Variants in SYT13 observed in about 807,000 individuals in gnomAD.
The protein encoded by SYT13 is synaptotagmin 13.
A neutral mutation model predicts 38.6 loss-of-function variants in SYT13; 21 were observed. The observed-to-expected ratio is 0.54, with a 90% CI of 0.39 to 0.78. The LOEUF (loss-of-function observed/expected upper bound fraction) is 0.78. Ranked by LOEUF, SYT13 falls within the 30% of genes least tolerant of loss-of-function variation. The pLI is 0.00. For missense variants in SYT13, 495 were observed against 548.7 expected, an observed-to-expected ratio of 0.90 and a Z score of 0.98; for synonymous variants, 241 against 237.6, an observed-to-expected ratio of 1.01 and a Z score of -0.13.
At chr11:45,272,240 T>C (rs757994222) in intron 1 of SYT13, among the ~76,000 whole-genome samples, 2 of 152,148 alleles carry the variant, frequency 1.3e-5, no homozygotes, top group Non-Finnish European at 2.9e-5. Flanking sequence ...AAATATCTAA[T>C]ATAGGTGATG....
chr11:45,252,309 G>A lies in SYT13; in HGVS notation c.846+112C>T. On this transcript the variant is annotated intron_variant, in intron 4 of 5. Coordinates refer to ENST00000020926, the MANE Select transcript of SYT13 (RefSeq NM_020826.3). This position sits in a 1 kb window ranked among gnomAD's most constrained non-coding sequence, Gnocchi z 4.3. ...CAACCTCCCTTCCAGCCCCAAGCCA[G>A]GGAGGTCTCTGAGGCTTGTTCCCTA... 7.8e-7 allele frequency: 1 copy of A among 1,289,852 alleles called. No individual in the cohort carries two copies. The highest frequency in any genetic ancestry group is 1.1e-6 in the Non-Finnish European group (1 of 950,552). The allele number at this position is 1,289,852 out of a possible 1,614,324, so 79.9% of individuals were successfully genotyped here. A position where few individuals can be genotyped will look rare whatever the true frequency, so the allele number is the denominator to read the frequency against.
At chr11:45,283,297 G>GT (rs1457913853) in intron 1 of SYT13, among the ~76,000 whole-genome samples, 1 of 152,178 alleles carries the variant, frequency 6.6e-6, no homozygotes, top group African/African-American at 2.4e-5. Context: ...AAACTAGTGA[G>GT]TTACAGAGAC....
At chr11:45,251,369 C>T (rs889409803) in intron 4 of SYT13, among the ~76,000 whole-genome samples, 2 of 111,576 alleles carry the variant, frequency 1.8e-5, no homozygotes, top group African/African-American at 7.5e-5. Flanking sequence ...AGCCTGGCAA[C>T]AGAGCGAGAC....
chr11:45,258,785 G>T (rs1305623762), intron 1 of SYT13, among the ~76,000 whole-genome samples: 4 of 152,090 alleles, frequency 2.6e-5, no homozygotes, highest in Non-Finnish European at 5.9e-5. Flanking sequence ...CGGGCTTGGG[G>T]GAGTAAAAGT....
At chr11:45,261,841 G>A (rs1337787817) in intron 1 of SYT13, among the ~76,000 whole-genome samples, 21 of 149,320 alleles carry the variant, frequency 1.4e-4, no homozygotes, top group Non-Finnish European at 2.8e-4. Flanking sequence ...GCTTGAACCC[G>A]GGAGGCGAAG....
chr11:45,275,643 A>G (rs1394232925), intron 1 of SYT13, among the ~76,000 whole-genome samples: 1 of 152,164 alleles, frequency 6.6e-6, no homozygotes, highest in African/African-American at 2.4e-5. Context: ...CCTTTATCTA[A>G]TGAATTGGGA....
chr11:45,275,520 T>A (rs1855000217), intron 1 of SYT13, among the ~76,000 whole-genome samples: 2 of 152,228 alleles, frequency 1.3e-5, no homozygotes, highest in Admixed American at 1.3e-4. Flanking sequence ...TTATAATGCA[T>A]TCCAAGTCTA....
rs1253927917 is a variant in SYT13, at chr11:45,244,225, G to A, written c.1108C>T (p.Gln370Ter). 6.2e-7 allele frequency: 1 copy of A among 1,613,928 alleles called. No homozygotes were observed. The highest frequency in any genetic ancestry group is 1.3e-5 in the African/African-American group (1 of 74,932). The change falls in exon 6 of 6, where the codon CAG becomes TAG. Residue 370 changes from glutamine (Q) to a stop codon, truncating the protein, a stop_gained. Transcript: ENST00000020926. LOFTEE classifies it high-confidence loss of function. ...IMFELPDDLL[Q>*]ASSVELEVLG... ...ACTTCCAGCTCCACACTGGAGGCCTGCAGCAGGTCGTCAGGCAGCTCAAAC... is the reference window on the plus strand; with the variant it reads ...ACTTCCAGCTCCACACTGGAGGCCTACAGCAGGTCGTCAGGCAGCTCAAAC...
At chr11:45,281,980 G>A (rs1483563231) in intron 1 of SYT13, among the ~76,000 whole-genome samples, 4 of 152,224 alleles carry the variant, frequency 2.6e-5, no homozygotes, top group African/African-American at 4.8e-5. Context: ...TAGGTTGGGC[G>A]AAAGGAGGAC....
At chr11:45,267,169 G>A (rs1463840907) in intron 1 of SYT13, among the ~76,000 whole-genome samples, 6 of 152,326 alleles carry the variant, frequency 3.9e-5, no homozygotes, top group Non-Finnish European at 8.8e-5. Context: ...GGCCCGCTAG[G>A]GGGCGGTAGA....
At chr11:45,281,932 G>A (rs1855079358) in intron 1 of SYT13, among the ~76,000 whole-genome samples, 2 of 152,200 alleles carry the variant, frequency 1.3e-5, no homozygotes, top group Non-Finnish European at 2.9e-5. Flanking sequence ...GTGGGGCAAG[G>A]GGAAAAGAGC....
Position 45,252,501 on chromosome 11 carries a change from C to T in SYT13, c.766G>A (p.Gly256Arg), listed in dbSNP as rs547784718. Reference protein sequence around the residue: ...CDRFSRHSVAGELRLGLDGTS... With the variant: ...CDRFSRHSVARELRLGLDGTS... ...CCGTCCAGGCCCAGGCGGAGCTCCCCGGCCACGCTGTGACGGGAGAAGCGG... is the reference window on the plus strand; with the variant it reads ...CCGTCCAGGCCCAGGCGGAGCTCCCTGGCCACGCTGTGACGGGAGAAGCGG... The change falls in exon 4 of 6, where the codon GGG (glycine) becomes AGG (arginine). Residue 256 changes from glycine to arginine, a missense_variant. Coordinates refer to ENST00000020926, the MANE Select transcript of SYT13 (RefSeq NM_020826.3). The surrounding 1 kb of genome is among the most constrained non-coding windows in gnomAD (Gnocchi z 4.3). 6.2e-6 allele frequency: 10 copies of T among 1,613,702 alleles called. No individual in the cohort carries two copies. The East Asian group carries it at 6.7e-5, about 11-fold the overall frequency.
Position 45,243,970 on chromosome 11 carries a change from C to T in SYT13, c.*82G>A. The T allele has an allele frequency of 2.1e-6, 3 of 1,418,500 alleles. No homozygotes were observed. The highest frequency in any genetic ancestry group is 2.9e-6 in the Non-Finnish European group (3 of 1,052,578). 87.9% of individuals were successfully genotyped at this position (1,418,500 alleles called of 1,614,324 possible). ...ACATCTGTCACTGTCTTCTGGGTGT[C>T]AGAATGAGGAAAGGGGCACAGAAAG... is the stretch of plus-strand genomic sequence containing the variant. On this transcript the variant is annotated 3_prime_UTR_variant, in exon 6 of 6. Coordinates refer to ENST00000020926, the MANE Select transcript of SYT13 (RefSeq NM_020826.3).
rs200921337 is a variant in SYT13 at position 45,252,481 on chromosome 11, C to T, written c.786G>A (p.Leu262=). 1.1e-3 allele frequency: 1,761 copies of T among 1,613,128 alleles called. 26 individuals are homozygous for T. The South Asian group carries it at 0.018, about 17-fold the overall frequency. ...HSVAGELRLG[L]DGTSVPLGAA... ...CCCCTAGAGGCACAGATGTCCCGTC[C>T]AGGCCCAGGCGGAGCTCCCCGGCCA... The change falls in exon 4 of 6, where the codon CTG becomes CTA. Residue 262 remains leucine, a synonymous_variant. Coordinates refer to ENST00000020926, the MANE Select transcript of SYT13 (RefSeq NM_020826.3). The surrounding 1 kb of genome is among the most constrained non-coding windows in gnomAD (Gnocchi z 4.3).
At chr11:45,246,120 G>T (rs1441275840) in intron 5 of SYT13, among the ~76,000 whole-genome samples, 2 of 152,200 alleles carry the variant, frequency 1.3e-5, no homozygotes, top group Admixed American at 6.5e-5. Context: ...TCCAAGGTAG[G>T]GAACCCCAGG....
intron 2 of SYT13, among the ~76,000 whole-genome samples, chr11:45,254,975 G>T (rs546290112): frequency 6.6e-6 from 1 of 152,064 alleles, no homozygotes; most frequent in African/African-American, 2.4e-5. Flanking sequence ...AATTATCTGG[G>T]CATGGTGGCA....
intron 1 of SYT13, among the ~76,000 whole-genome samples, chr11:45,274,967 C>T (rs757630165): frequency 2.2e-4 from 33 of 152,078 alleles, no homozygotes; most frequent in Middle Eastern, 3.2e-3. Context: ...AGGAGAGAAA[C>T]CTGTAAAAAG....
intron 1 of SYT13, among the ~76,000 whole-genome samples, chr11:45,256,707 T>A (rs1854751599): frequency 6.6e-6 from 1 of 152,204 alleles, no homozygotes; most frequent in African/African-American, 2.4e-5. Flanking sequence ...AGGAATTATG[T>A]CTTGTCTTGC....
At chr11:45,272,746 G>C (rs569488203) in intron 1 of SYT13, among the ~76,000 whole-genome samples, 16 of 152,294 alleles carry the variant, frequency 1.1e-4, no homozygotes, top group African/African-American at 1.4e-4. Context: ...CTCACTCCAG[G>C]CTTTTTGAAA....
Sources: gnomAD v4.1 joint callset for allele counts (sites outside exome capture counted in the v4.1 genomes callset) on GRCh38, gnomAD v4.1.1 for gene constraint, Gnocchi (gnomAD v3.1) non-coding constraint, MANE v1.5 for transcripts, NCBI Gene and HGNC (gene_info 2026-07-23, HGNC 2026-07-21) for gene names.